PTPRK: variants seen among roughly 807,000 people sequenced by gnomAD.
The protein encoded by PTPRK is protein tyrosine phosphatase receptor type K, also known as receptor-type tyrosine-protein phosphatase kappa.
In PTPRK, 75 loss-of-function variants were observed where a neutral mutation model predicts 178.0. The ratio of observed to expected loss-of-function variants is 0.42; its 90% confidence interval spans 0.35 to 0.51. The LOEUF (loss-of-function observed/expected upper bound fraction) is 0.51. Among genes scored for constraint, PTPRK ranks in the 20% least tolerant of loss-of-function variants. PTPRK has a pLI of 0.02. For missense variants in PTPRK, 1,441 were observed against 1,797.8 expected, an observed-to-expected ratio of 0.80 and a Z score of 3.59; for synonymous variants, 637 against 620.6, an observed-to-expected ratio of 1.03 and a Z score of -0.39.
rs938243808 is a variant in PTPRK at position 128,519,664 on chromosome 6, A to G, written c.100+595T>C. 1.3e-5 allele frequency among the ~76,000 whole-genome samples: 2 copies of G among 152,174 alleles called. No individual in the cohort carries two copies. Among genetic ancestry groups the G allele is most frequent in the Non-Finnish European group, 1.5e-5 (1 of 68,030 alleles). Reference sequence around the variant, plus strand: ...AGGGCTCCGCCAACACACACACAGAACATGCTCCAAGCAGTGCCCGAGCGC... The same window carrying G: ...AGGGCTCCGCCAACACACACACAGAGCATGCTCCAAGCAGTGCCCGAGCGC... On this transcript the variant is annotated intron_variant, in intron 1 of 29. Coordinates refer to ENST00000368226, the MANE Select transcript of PTPRK (RefSeq NM_002844.4). This position sits in a 1 kb window ranked among gnomAD's most constrained non-coding sequence, Gnocchi z 4.3.
At chr6:128,313,505 G>T (rs368831447) in intron 3 of PTPRK, among the ~76,000 whole-genome samples, 18 of 152,246 alleles carry the variant, frequency 1.2e-4, no homozygotes, top group African/African-American at 4.3e-4. Flanking sequence ...GGCAGAAGTG[G>T]ACATAAAGTT....
chr6:128,365,722 G>A (rs1290310294), intron 2 of PTPRK, among the ~76,000 whole-genome samples: 1 of 152,058 alleles, frequency 6.6e-6, no homozygotes, highest in Non-Finnish European at 1.5e-5. Flanking sequence ...CAGAGAACAG[G>A]TACCTCTCCT....
At chr6:128,078,230 A>G (rs544341089) in intron 11 of PTPRK, among the ~76,000 whole-genome samples, 1 of 152,096 alleles carries the variant, frequency 6.6e-6, no homozygotes, top group Admixed American at 6.6e-5. Flanking sequence ...ATATCTCAAA[A>G]ATGCCCTTAG....
chr6:128,504,064 A>T (rs35419289), intron 1 of PTPRK, among the ~76,000 whole-genome samples: 10,731 of 152,218 alleles, frequency 0.07, 776 homozygotes, highest in African/African-American at 0.19. Flanking sequence ...ATATTTGATA[A>T]AAATGTACAG....
chr6:128,228,985 A>T (rs1811864023), intron 5 of PTPRK, among the ~76,000 whole-genome samples: 1 of 152,178 alleles, frequency 6.6e-6, no homozygotes, highest in Non-Finnish European at 1.5e-5. Flanking sequence ...TTGACTTAAG[A>T]ATCAAGGGCA....
intron 1 of PTPRK, among the ~76,000 whole-genome samples, chr6:128,458,106 T>C (rs568358250): frequency 6.6e-5 from 10 of 152,280 alleles, no homozygotes; most frequent in East Asian, 1.9e-4. Context: ...ATGGTCTCCA[T>C]AGGGACTTGA....
rs1366811757 is a variant in PTPRK at position 128,520,587 on chromosome 6, T to C, written c.-229A>G. On this transcript the variant is annotated 5_prime_UTR_variant, in exon 1 of 30. Transcript: ENST00000368226. ...GCAGCTCTCCATGCTCGGCGGAGGCTGCTCCTGTTAGTCAAGAGTTACTTT... is the reference window on the plus strand; with the variant it reads ...GCAGCTCTCCATGCTCGGCGGAGGCCGCTCCTGTTAGTCAAGAGTTACTTT... 12 of 522,818 alleles carry C rather than the reference T, an allele frequency of 2.3e-5. No homozygotes were observed. The highest frequency in any genetic ancestry group is 3.5e-5 in the Non-Finnish European group (10 of 289,690). 32.4% of individuals were successfully genotyped at this position (522,818 alleles called of 1,614,324 possible).
intron 3 of PTPRK, among the ~76,000 whole-genome samples, chr6:128,305,012 AT>A (rs141878619): frequency 0.037 from 5,570 of 152,152 alleles, 176 homozygotes; most frequent in Non-Finnish European, 0.056. Flanking sequence ...TTCTTAAATA[AT>A]TTTTTTTCTG....
chr6:128,368,421 C>G lies in PTPRK; in HGVS notation c.223+29145G>C, dbSNP rs1349603700. ...AAAAAACGTCAAAGTGCAGACAAATCTGTGACGAGGCCAATGACCAAGATC... is the reference window on the plus strand; with the variant it reads ...AAAAAACGTCAAAGTGCAGACAAATGTGTGACGAGGCCAATGACCAAGATC... On this transcript the variant is annotated intron_variant, in intron 2 of 29. Transcript: ENST00000368226. 2.0e-5 allele frequency among the ~76,000 whole-genome samples: 3 copies of G among 151,708 alleles called. No individual in the cohort carries two copies. In the East Asian group the frequency reaches 5.8e-4, roughly 29 times the overall value.
At chr6:128,434,627 A>G (rs1230400631) in intron 1 of PTPRK, among the ~76,000 whole-genome samples, 1 of 152,182 alleles carries the variant, frequency 6.6e-6, no homozygotes, top group African/African-American at 2.4e-5. Context: ...AGAACTCAAT[A>G]AATATAATTA....
chr6:128,507,802 T>C (rs1406063604), intron 1 of PTPRK, among the ~76,000 whole-genome samples: 2 of 152,280 alleles, frequency 1.3e-5, no homozygotes, highest in East Asian at 3.9e-4. Flanking sequence ...TCCACCAATC[T>C]TCTTGATCCT....
rs1013226255 is a variant in PTPRK at position 128,520,436 on chromosome 6, C to G, written c.-78G>C. ...CGCCGCGAAATCCACGACGGAGGAG[C>G]GGGCCGGGCCTCGCGGGGTGAGGAC... On this transcript the variant is annotated 5_prime_UTR_variant, in exon 1 of 30. Transcript: ENST00000368226. 7.1e-7 allele frequency: 1 copy of G among 1,398,694 alleles called. No individual in the cohort carries two copies. Among genetic ancestry groups the G allele is most frequent in the African/African-American group, 1.4e-5 (1 of 70,088 alleles). 86.6% of individuals were successfully genotyped at this position (1,398,694 alleles called of 1,614,324 possible).
chr6:128,184,497 G>C lies in PTPRK; in HGVS notation c.1097C>G (p.Thr366Arg). 6.2e-7 allele frequency: 1 copy of C among 1,613,818 alleles called. No individual in the cohort carries two copies. Among genetic ancestry groups the C allele is most frequent in the Non-Finnish European group, 8.5e-7 (1 of 1,179,826 alleles). Residue 366 changes from threonine (T) to arginine (R), a missense_variant, in exon 7 of 30, where the codon ACA becomes AGA. By Grantham distance (71) the Thr-to-Arg change is moderately conservative (BLOSUM62 -1). Coordinates refer to ENST00000368226, the MANE Select transcript of PTPRK (RefSeq NM_002844.4). The part of the protein sequence containing the change: ...DTEYEIRVLL[T>R]RPGEGGTGLP... ...CCCCGTTCCACCTTCACCAGGTCTTGTAAGTAGAACTCGGATCTCATATTC... is the reference window on the plus strand; with the variant it reads ...CCCCGTTCCACCTTCACCAGGTCTTCTAAGTAGAACTCGGATCTCATATTC...
intron 27 of PTPRK, among the ~76,000 whole-genome samples, chr6:127,976,108 G>A (rs1015012456): frequency 7.2e-5 from 11 of 152,150 alleles, no homozygotes; most frequent in African/African-American, 2.7e-4. Context: ...AGCAGCACTG[G>A]TTCTACCTTT....
chr6:128,159,723 T>C (rs1458800039), intron 7 of PTPRK, among the ~76,000 whole-genome samples: 2 of 151,726 alleles, frequency 1.3e-5, no homozygotes, highest in African/African-American at 4.8e-5. Context: ...CCTCTAAAAG[T>C]CTGCTTGTGC....
chr6:128,416,185 A>T (rs926485613), intron 1 of PTPRK, among the ~76,000 whole-genome samples: 4 of 152,142 alleles, frequency 2.6e-5, no homozygotes, highest in Admixed American at 1.3e-4. Context: ...TGGATGGTCA[A>T]AAAAGACTTC....
At chr6:128,189,325 T>C (rs1409255406) in intron 6 of PTPRK, among the ~76,000 whole-genome samples, 2 of 144,834 alleles carry the variant, frequency 1.4e-5, no homozygotes, top group Non-Finnish European at 3.0e-5. Context: ...CTGCAACCTC[T>C]GCCTCCCGGG....
chr6:128,449,450 C>T (rs973047113), intron 1 of PTPRK, among the ~76,000 whole-genome samples: 1 of 152,062 alleles, frequency 6.6e-6, no homozygotes, highest in Admixed American at 6.5e-5. Context: ...TAGAAGGACA[C>T]TTTTTTCCAG....
At chr6:128,317,936 A>C (rs1436428043) in intron 3 of PTPRK, among the ~76,000 whole-genome samples, 1 of 152,192 alleles carries the variant, frequency 6.6e-6, no homozygotes, top group Non-Finnish European at 1.5e-5. Context: ...AAGCTAGGAG[A>C]ATAACTAATA....
Sources: allele counts gnomAD v4.1 joint callset (sites outside exome capture counted in the v4.1 genomes callset), GRCh38; gene constraint gnomAD v4.1.1; non-coding constraint Gnocchi (gnomAD v3.1); transcripts MANE v1.5; gene names NCBI Gene and HGNC (gene_info 2026-07-23, HGNC 2026-07-21).